FRMPD4: variants seen among roughly 807,000 people sequenced by gnomAD.
The protein encoded by FRMPD4 is FERM and PDZ domain containing 4.
In FRMPD4, 22 loss-of-function variants were observed where a neutral mutation model predicts 94.1. The observed-to-expected ratio is 0.23, with a 90% CI of 0.17 to 0.33. The LOEUF (loss-of-function observed/expected upper bound fraction) is 0.33. FRMPD4 is among the 10% of genes least tolerant of loss of function. The probability of loss-of-function intolerance (pLI) is 1.00; values close to 1 mark genes in which losing one functional copy is unlikely to be tolerated. For synonymous variants in FRMPD4, 631 were observed against 548.6 expected, an observed-to-expected ratio of 1.15 and a Z score of -2.10; for missense variants, 1,111 against 1,339.9, an observed-to-expected ratio of 0.83 and a Z score of 2.67.
intron 1 of FRMPD4, chrX:12,495,049 A>G: frequency 1.4e-6 from 1 of 713,638 alleles, no homozygotes; most frequent in Non-Finnish European, 1.7e-6. Flanking sequence ...TGCACCCAGG[A>G]TCACACAGCT....
At chrX:11,907,341 A>G (rs2053973506) in intron 3 of FRMPD4, among the ~76,000 whole-genome samples, 1 of 111,124 alleles carries the variant, frequency 9.0e-6, no homozygotes, top group African/African-American at 3.3e-5. Flanking sequence ...TCCTCTCATT[A>G]TTTTTTGTTG....
intron 2 of FRMPD4, among the ~76,000 whole-genome samples, chrX:12,537,418 G>A (rs1315506356): frequency 9.4e-6 from 1 of 106,496 alleles, no homozygotes; most frequent in Non-Finnish European, 1.9e-5. Context: ...TTTTTATGAA[G>A]TATATGTGTA....
At chrX:11,933,369 G>A (rs1021165475) in intron 3 of FRMPD4, among the ~76,000 whole-genome samples, 1 of 112,076 alleles carries the variant, frequency 8.9e-6, no homozygotes, top group Non-Finnish European at 1.9e-5. Context: ...CAATTCCACC[G>A]TCCACTGGCT....
At chrX:12,084,261 G>C (rs769820293) in intron 3 of FRMPD4, among the ~76,000 whole-genome samples, 98 of 109,600 alleles carry the variant, frequency 8.9e-4, no homozygotes, top group African/African-American at 3.0e-3. Flanking sequence ...AGATCTGATG[G>C]GTTTATCAGG....
chrX:12,556,455 T>TA (rs1277133240), intron 2 of FRMPD4, among the ~76,000 whole-genome samples: 1 of 111,114 alleles, frequency 9.0e-6, no homozygotes, highest in Non-Finnish European at 1.9e-5. Context: ...GCTGAGGGCT[T>TA]CACTCCTACA....
At chrX:12,090,229 T>G (rs779210347) in intron 3 of FRMPD4, among the ~76,000 whole-genome samples, 1 of 110,115 alleles carries the variant, frequency 9.1e-6, no homozygotes, top group Non-Finnish European at 1.9e-5. Context: ...TTGATATAGT[T>G]CTCATAATAC....
chrX:11,981,146 G>A (rs759559880), intron 3 of FRMPD4, among the ~76,000 whole-genome samples: 1 of 111,897 alleles, frequency 8.9e-6, no homozygotes, highest in Non-Finnish European at 1.9e-5. Flanking sequence ...AAAACAATGT[G>A]TATGATCCTA....
intron 1 of FRMPD4, among the ~76,000 whole-genome samples, chrX:12,388,610 TA>T (rs59101475): frequency 0.28 from 26,255 of 94,488 alleles, 3,088 homozygotes; most frequent in Non-Finnish European, 0.32. Context: ...CTCAAAAAAT[TA>T]AAAAAAAAAA....
At chrX:12,017,939 G>A (rs914427795) in intron 3 of FRMPD4, among the ~76,000 whole-genome samples, 42 of 111,848 alleles carry the variant, frequency 3.8e-4, no homozygotes, top group African/African-American at 1.4e-3. Flanking sequence ...AGCTAGCTGA[G>A]TGACATTGTC....
At chrX:12,083,744 G>T (rs752531882) in intron 3 of FRMPD4, among the ~76,000 whole-genome samples, 3 of 112,791 alleles carry the variant, frequency 2.7e-5, no homozygotes, top group African/African-American at 6.4e-5. Flanking sequence ...TGACCTGGAT[G>T]TGAGACCTGG....
chrX:12,578,627 A>G (rs779301283), intron 2 of FRMPD4, among the ~76,000 whole-genome samples: 1 of 112,048 alleles, frequency 8.9e-6, no homozygotes, highest in East Asian at 2.8e-4. Context: ...TTTATTATCT[A>G]TACCACCAGC....
chrX:12,393,959 T>C (rs943393795), intron 1 of FRMPD4, among the ~76,000 whole-genome samples: 1 of 111,552 alleles, frequency 9.0e-6, no homozygotes, highest in African/African-American at 3.3e-5. Flanking sequence ...CATATATGTG[T>C]GATAATAAGT....
intron 3 of FRMPD4, among the ~76,000 whole-genome samples, chrX:11,891,131 C>T (rs1278138116): frequency 2.7e-5 from 3 of 112,534 alleles, no homozygotes; most frequent in Non-Finnish European, 5.6e-5. Context: ...CTCAGCTCCT[C>T]GGATCTCTAC....
intron 3 of FRMPD4, among the ~76,000 whole-genome samples, chrX:12,015,820 T>G (rs2054601999): frequency 8.9e-6 from 1 of 111,905 alleles, no homozygotes; most frequent in African/African-American, 3.2e-5. Context: ...AGCAGCTACT[T>G]TGTAACCATG....
At position 12,417,609 on chromosome X, in the gene FRMPD4, A is replaced by G. The variant is rs188020697; in HGVS notation, c.42-81071A>G. On this transcript the variant is annotated intron_variant, in intron 1 of 16. Transcript: ENST00000675598. ...AAAAAAAAAAAAAATTAGTTTAAAA[A>G]TTTGATAACTTTATTATCAGTTTTT... Among the ~76,000 whole-genome samples, 190 of 109,848 alleles carry G rather than the reference A, an allele frequency of 1.7e-3. 3 individuals are homozygous for G. Among genetic ancestry groups the G allele is most frequent in the Non-Finnish European group, 3.1e-3 (162 of 52,583 alleles).
chrX:11,878,203 A>C (rs2053795641), intron 3 of FRMPD4, among the ~76,000 whole-genome samples: 1 of 112,297 alleles, frequency 8.9e-6, no homozygotes, highest in South Asian at 3.7e-4. Context: ...CAATTCAAAA[A>C]TTTAAAAAGA....
chrX:12,124,993 C>T (rs1295241746), intron 3 of FRMPD4, among the ~76,000 whole-genome samples: 1 of 112,237 alleles, frequency 8.9e-6, no homozygotes, highest in African/African-American at 3.2e-5. Context: ...AGCTGGGAAC[C>T]TTTTCATCCT....
intron 1 of FRMPD4, among the ~76,000 whole-genome samples, chrX:12,424,961 G>GTT (rs35391431): frequency 2.7e-5 from 3 of 111,290 alleles, no homozygotes; most frequent in Non-Finnish European, 5.7e-5. Context: ...CAGTAATTCA[G>GTT]TTTTTTTTCC....
chrX:12,675,020 C>T, intron 5 of FRMPD4, 112 bp downstream of exon 5: 1 of 578,636 alleles, frequency 1.7e-6, no homozygotes, highest in Non-Finnish European at 3.0e-6. Flanking sequence ...ATAACATGCA[C>T]TCACAATATG....
Sources: gnomAD v4.1 joint callset for allele counts (sites outside exome capture counted in the v4.1 genomes callset) on GRCh38, gnomAD v4.1.1 for gene constraint, MANE v1.5 for transcripts, NCBI Gene and HGNC (gene_info 2026-07-23, HGNC 2026-07-21) for gene names.